The following SPOCK3 variants were observed in gnomAD, a reference collection of about 807,000 sequenced individuals.
The protein encoded by SPOCK3 is testican-3.
A neutral mutation model predicts 56.6 loss-of-function variants in SPOCK3; 30 were observed. The observed-to-expected ratio is 0.53, with a 90% confidence interval of 0.40 to 0.72. The LOEUF is 0.72. SPOCK3 is among the 30% of genes least tolerant of loss of function. The probability of loss-of-function intolerance (pLI) is 0.00; values close to 1 mark genes in which losing one functional copy is unlikely to be tolerated. For missense variants in SPOCK3, 527 were observed against 530.0 expected (o/e 0.99, Z 0.06); for synonymous variants, 196 against 183.3 (o/e 1.07, Z -0.56).
intron 2 of SPOCK3, among the ~76,000 whole-genome samples, chr4:167,117,219 T>C (rs1039982016): frequency 1.2e-4 from 18 of 151,962 alleles, no homozygotes; most frequent in African/African-American, 3.9e-4. Context: ...TACATATCCA[T>C]AAAAATTTAA....
intron 7 of SPOCK3, among the ~76,000 whole-genome samples, chr4:166,788,311 A>T (rs1047656252): frequency 6.6e-6 from 1 of 152,220 alleles, no homozygotes; most frequent in Non-Finnish European, 1.5e-5. Flanking sequence ...ACTTAAAAAA[A>T]TCTCCAAGAA....
intron 2 of SPOCK3, among the ~76,000 whole-genome samples, chr4:167,213,987 C>T (rs1458587155): frequency 6.6e-6 from 1 of 152,014 alleles, no homozygotes; most frequent in Non-Finnish European, 1.5e-5. Flanking sequence ...CACTATAATC[C>T]TGTACTATAA....
At chr4:167,031,349 A>G (rs1445685635) in intron 3 of SPOCK3, among the ~76,000 whole-genome samples, 2 of 152,028 alleles carry the variant, frequency 1.3e-5, no homozygotes, top group Non-Finnish European at 2.9e-5. Context: ...GAAAAGAACA[A>G]ATCTACTTGA....
intron 4 of SPOCK3, among the ~76,000 whole-genome samples, chr4:166,978,909 G>A (rs1579878022): frequency 6.6e-6 from 1 of 152,250 alleles, no homozygotes; most frequent in East Asian, 1.9e-4. Context: ...TTCCAGAAAA[G>A]GGATATGAGT....
intron 2 of SPOCK3, among the ~76,000 whole-genome samples, chr4:167,127,910 T>C (rs1762414373): frequency 6.6e-6 from 1 of 152,194 alleles, no homozygotes; most frequent in South Asian, 2.1e-4. Flanking sequence ...TACCATACAC[T>C]TGTGACAACA....
In SPOCK3 at chr4:167,070,194, G is replaced by T. The variant is rs548308896; in HGVS notation, c.190-7657C>A. On this transcript the variant is annotated intron_variant, in intron 2 of 10. Transcript: ENST00000357545. ...TGGGCCCCTAGTCTTCTCCAGGAAA[G>T]AAAAGATTGGGCCAGAAGTCCCACA... is the stretch of plus-strand genomic sequence containing the variant. Among the ~76,000 whole-genome samples the T allele has an allele frequency of 1.4e-4, 21 of 151,984 alleles. No homozygotes were observed. The South Asian group carries it at 4.4e-3, about 32-fold the overall frequency.
chr4:167,222,957 T>C (rs1736147510), intron 2 of SPOCK3, among the ~76,000 whole-genome samples: 1 of 127,732 alleles, frequency 7.8e-6, no homozygotes, highest in East Asian at 2.3e-4. Context: ...ATAATATATA[T>C]TATACATATT....
At chr4:166,769,345 T>C (rs1372183725) in intron 7 of SPOCK3, among the ~76,000 whole-genome samples, 1 of 139,510 alleles carries the variant, frequency 7.2e-6, no homozygotes, top group Non-Finnish European at 1.6e-5. Flanking sequence ...TTGATGATGG[T>C]GACGTACAGA....
chr4:166,941,114 G>A (rs1380070652), intron 4 of SPOCK3, among the ~76,000 whole-genome samples: 1 of 152,084 alleles, frequency 6.6e-6, no homozygotes, highest in Non-Finnish European at 1.5e-5. Flanking sequence ...GCACAGTCAC[G>A]TTTGGTCACA....
intron 6 of SPOCK3, 44 bp downstream of exon 6, chr4:166,889,086 G>A: frequency 8.4e-7 from 1 of 1,195,298 alleles, no homozygotes; most frequent in Non-Finnish European, 1.2e-6. Context: ...CATTTTAGTA[G>A]AGAGTGATGA....
intron 2 of SPOCK3, among the ~76,000 whole-genome samples, chr4:167,137,696 T>A (rs907194981): frequency 1.3e-4 from 20 of 152,024 alleles, no homozygotes; most frequent in African/African-American, 4.6e-4. Flanking sequence ...TTGTAGGTAA[T>A]AGGCAAAATA....
intron 2 of SPOCK3, among the ~76,000 whole-genome samples, chr4:167,122,110 TCTC>T (rs1761918337): frequency 6.6e-6 from 1 of 151,410 alleles, no homozygotes; most frequent in African/African-American, 2.4e-5. Flanking sequence ...TCTCTTCTCT[TCTC>T]TTTTTTCTTT....
chr4:167,231,929 ATATT>A (rs1198329585), intron 2 of SPOCK3, among the ~76,000 whole-genome samples: 1 of 152,126 alleles, frequency 6.6e-6, no homozygotes, highest in Non-Finnish European at 1.5e-5. Flanking sequence ...AAATAAATCA[ATATT>A]TATTTTTAGG....
At chr4:167,136,366 T>C (rs1365454041) in intron 2 of SPOCK3, among the ~76,000 whole-genome samples, 5 of 152,126 alleles carry the variant, frequency 3.3e-5, no homozygotes, top group African/African-American at 9.7e-5. Context: ...AATTTTTTCT[T>C]AATACCTTTT....
chr4:167,196,517 C>CTT (rs201316331), intron 2 of SPOCK3, among the ~76,000 whole-genome samples: 3 of 147,622 alleles, frequency 2.0e-5, no homozygotes, highest in East Asian at 2.0e-4. Context: ...TTCTTTCTTT[C>CTT]TTTTTTTTTT....
chr4:166,866,523 A>G (rs957295001), intron 6 of SPOCK3, among the ~76,000 whole-genome samples: 5 of 152,212 alleles, frequency 3.3e-5, no homozygotes, highest in African/African-American at 9.6e-5. Flanking sequence ...AATGTTTTCA[A>G]TCTATCTATC....
At chr4:166,950,189 C>T (rs1742369208) in intron 4 of SPOCK3, among the ~76,000 whole-genome samples, 1 of 151,522 alleles carries the variant, frequency 6.6e-6, no homozygotes, top group Non-Finnish European at 1.5e-5. Flanking sequence ...TTCAGGAAAC[C>T]CATCTCATGT....
chr4:166,777,738 A>C (rs1408059103), intron 7 of SPOCK3, among the ~76,000 whole-genome samples: 2 of 152,264 alleles, frequency 1.3e-5, no homozygotes, highest in South Asian at 2.1e-4. Flanking sequence ...CCTTGTCTCA[A>C]AAAAGGTATA....
chr4:167,083,164 C>T, intron 2 of SPOCK3: 1 of 764,606 alleles, frequency 1.3e-6, no homozygotes, highest in Non-Finnish European at 2.4e-6. Context: ...GTTCTTCCTA[C>T]AGACAAGATG....
Sources: gnomAD v4.1 joint callset for allele counts (sites outside exome capture counted in the v4.1 genomes callset) on GRCh38, gnomAD v4.1.1 for gene constraint, MANE v1.5 for transcripts, NCBI Gene and HGNC (gene_info 2026-07-23, HGNC 2026-07-21) for gene names.